Variants in ANO1 observed in about 807,000 individuals in gnomAD.
ANO1 encodes the protein anoctamin 1, also known as anoctamin-1.
Under a neutral mutation model 124.0 loss-of-function variants are expected in ANO1, and 59 were observed. The observed-to-expected ratio is 0.48, with a 90% CI of 0.39 to 0.59. The LOEUF (loss-of-function observed/expected upper bound fraction) is 0.59. Among genes scored for constraint, ANO1 ranks in the 20% least tolerant of loss-of-function variants. The probability of loss-of-function intolerance (pLI) is 0.00; values close to 1 mark genes in which losing one functional copy is unlikely to be tolerated. For synonymous variants in ANO1, 529 were observed against 532.0 expected (o/e 0.99, Z 0.08); for missense variants, 1,059 against 1,328.0 (o/e 0.80, Z 3.15).
chr11:70,106,538 T>G (rs2515253), intron 5 of ANO1, among the ~76,000 whole-genome samples: 138,046 of 152,112 alleles, frequency 0.91, 63,001 homozygotes, highest in Non-Finnish European at 0.96. Flanking sequence ...CAGCAGGAGG[T>G]CGGTGCAGGT....
chr11:69,976,356 A>C, the ANO1 span, among the ~76,000 whole-genome samples: 1 of 151,864 alleles, frequency 6.6e-6, no homozygotes. Context: ...AAATACAAAA[A>C]ATTAGCGGTG....
intron 10 of ANO1, 55 bp downstream of exon 10, chr11:70,126,250 C>T: frequency 1.3e-6 from 2 of 1,567,574 alleles, no homozygotes; most frequent in African/African-American, 1.4e-5. Flanking sequence ...CCCTCTCCTG[C>T]CATCCCAGCT....
At chr11:70,127,430 G>A (rs2046567614) in intron 10 of ANO1, among the ~76,000 whole-genome samples, 1 of 152,180 alleles carries the variant, frequency 6.6e-6, no homozygotes, top group Non-Finnish European at 1.5e-5. Flanking sequence ...GCCTTCTGCT[G>A]TTCACCAAGG....
At position 70,088,103 on chromosome 11, in the gene ANO1, G is replaced by C; in HGVS notation, c.441+19G>C. ...CGAGGACGTAACTATCTCACTGCGC[G>C]CTGTTTGTGGGGGGTGGGGGGTGGG... On this transcript the variant is annotated intron_variant, in intron 2 of 25. Transcript: ENST00000355303. 1 of 435,966 alleles carries C rather than the reference G, an allele frequency of 2.3e-6. No individual in the cohort carries two copies. Among genetic ancestry groups the C allele is most frequent in the South Asian group, 9.1e-5 (1 of 11,036 alleles). 27.0% of individuals were successfully genotyped at this position (435,966 alleles called of 1,614,324 possible). A position where few individuals can be genotyped will look rare whatever the true frequency, so the allele number is the denominator to read the frequency against.
intron 1 of ANO1, among the ~76,000 whole-genome samples, chr11:70,033,698 G>A (rs991560486): frequency 6.6e-6 from 1 of 152,020 alleles, no homozygotes; most frequent in East Asian, 2.0e-4. Context: ...TAGAGCAGGG[G>A]ATGGCAAACT....
chr11:70,175,040 G>A (rs1295156971), intron 22 of ANO1, among the ~76,000 whole-genome samples: 2 of 150,144 alleles, frequency 1.3e-5, no homozygotes, highest in South Asian at 2.1e-4. Context: ...ATCACAGTGC[G>A]CGTGTGTTTG....
chr11:70,032,701 C>T (rs1179699756), intron 1 of ANO1, among the ~76,000 whole-genome samples: 1 of 152,076 alleles, frequency 6.6e-6, no homozygotes, highest in Non-Finnish European at 1.5e-5. Flanking sequence ...GCTCCAGGGT[C>T]CTTGCGCTGA....
chr11:70,108,325 C>A, intron 5 of ANO1, 28 bp from the exon 6 acceptor site: 1 of 1,601,606 alleles, frequency 6.2e-7, no homozygotes, highest in Non-Finnish European at 8.5e-7. Context: ...TAAGTAACTG[C>A]TCACCCCCCT....
In ANO1 at chr11:70,063,213, C is replaced by T. The variant is rs570505114; in HGVS notation, c.59-15329C>T. 7.9e-4 allele frequency among the ~76,000 whole-genome samples: 120 copies of T among 152,232 alleles called. 1 individual carries two copies. In the Middle Eastern group the frequency reaches 0.017, roughly 22 times the overall value. ...GGATTATAGGCGTGAGCCACCGCGC[C>T]CAGCCGATAATGATTTTTACTGCAT... On this transcript the variant is annotated intron_variant, in intron 1 of 27. Transcript: ENST00000531349.
Position 70,160,837 on chromosome 11 carries a change from A to G in ANO1, c.1579-324A>G, listed in dbSNP as rs138175868. Among the ~76,000 whole-genome samples the G allele has an allele frequency of 1.3e-4, 20 of 152,322 alleles. No individual in the cohort carries two copies. In the East Asian group the frequency reaches 3.1e-3, roughly 24 times the overall value. On this transcript the variant is annotated intron_variant, in intron 16 of 25. Coordinates refer to ENST00000355303, the MANE Select transcript of ANO1 (RefSeq NM_018043.7). ...TGGGCTCCGGGAAGATGGTAGCACA[A>G]AGATCTTGTGAACTGCAGGCTTGGG...
At position 70,030,394 on chromosome 11, in the gene ANO1, T is replaced by C. The variant is rs190771471; in HGVS notation, c.58+44228T>C. On this transcript the variant is annotated intron_variant, in intron 1 of 27. Transcript: ENST00000531349. ...GCTCGGAGCTGCTATGTTGGTTTCC[T>C]GGGGCTGCTGTAACAAATGAACACA... is the stretch of plus-strand genomic sequence containing the variant. 2.8e-3 allele frequency among the ~76,000 whole-genome samples: 429 copies of C among 152,342 alleles called. 3 individuals carry two copies. Among genetic ancestry groups the C allele is most frequent in the African/African-American group, 9.8e-3 (408 of 41,562 alleles).
At chr11:70,023,897 T>C (rs565903142) in intron 1 of ANO1, among the ~76,000 whole-genome samples, 4 of 152,310 alleles carry the variant, frequency 2.6e-5, no homozygotes, top group Admixed American at 2.6e-4. Flanking sequence ...GGATTTCAAG[T>C]TTACCAAAGT....
intron 17 of ANO1, 95 bp downstream of exon 17, chr11:70,161,457 T>C: frequency 1.4e-6 from 2 of 1,465,942 alleles, no homozygotes; most frequent in Non-Finnish European, 1.9e-6. Flanking sequence ...GCTTAACTTC[T>C]CTGGGCCCCA....
intron 1 of ANO1, among the ~76,000 whole-genome samples, chr11:70,056,830 C>CTTTTTTTTTTT (rs200523204): frequency 7.1e-6 from 1 of 140,366 alleles, no homozygotes; most frequent in Admixed American, 7.0e-5. Flanking sequence ...TGTTTTACAT[C>CTTTTTTTTTTT]TTTTTTTTTT....
chr11:70,049,894 T>C (rs1193674315), intron 1 of ANO1, among the ~76,000 whole-genome samples: 3 of 152,194 alleles, frequency 2.0e-5, no homozygotes, highest in African/African-American at 7.2e-5. Flanking sequence ...CTAATTTTTG[T>C]ATTTTTAGTA....
chr11:70,042,012 T>C (rs1469161948), intron 1 of ANO1, among the ~76,000 whole-genome samples: 1 of 152,138 alleles, frequency 6.6e-6, no homozygotes, highest in African/African-American at 2.4e-5. Context: ...AAATGACTGA[T>C]ACCTGGGCTG....
chr11:70,058,243 C>T (rs1206593322), intron 1 of ANO1, among the ~76,000 whole-genome samples: 1 of 152,094 alleles, frequency 6.6e-6, no homozygotes, highest in Non-Finnish European at 1.5e-5. Flanking sequence ...AGAGAGTGCC[C>T]AAGGGGGTTC....
At chr11:70,105,525 G>A (rs2045488342) in intron 4 of ANO1, among the ~76,000 whole-genome samples, 1 of 152,200 alleles carries the variant, frequency 6.6e-6, no homozygotes, top group Non-Finnish European at 1.5e-5. Context: ...CACCTATGTG[G>A]GTCTCAGGCC....
chr11:70,074,260 A>T (rs2044025050), upstream of ANO1, among the ~76,000 whole-genome samples: 1 of 151,966 alleles, frequency 6.6e-6, no homozygotes, highest in Non-Finnish European at 1.5e-5. Context: ...AGTCAACAGC[A>T]CTTATTAAAC....
Sources: allele counts gnomAD v4.1 joint callset (sites outside exome capture counted in the v4.1 genomes callset), GRCh38; gene constraint gnomAD v4.1.1; transcripts MANE v1.5; gene names NCBI Gene and HGNC (gene_info 2026-07-23, HGNC 2026-07-21).